The following CSMD3 variants were observed in gnomAD, a reference collection of about 807,000 sequenced individuals.
CSMD3 encodes the protein CUB and Sushi multiple domains 3, also known as CUB and sushi domain-containing protein 3.
CSMD3 carries 177 observed loss-of-function variants against 435.2 expected under a neutral mutation model. The ratio of observed to expected loss-of-function variants is 0.41; its 90% confidence interval spans 0.36 to 0.46. CSMD3 has a LOEUF of 0.46. Among genes scored for constraint, CSMD3 ranks in the 20% least tolerant of loss-of-function variants. CSMD3 has a pLI of 0.34. For synonymous variants in CSMD3, 1,656 were observed against 1,520.5 expected (o/e 1.09, Z -2.07); for missense variants, 4,265 against 4,504.6 (o/e 0.95, Z 1.52).
intron 4 of CSMD3, among the ~76,000 whole-genome samples, chr8:113,117,554 C>T (rs978847625): frequency 6.6e-6 from 1 of 152,192 alleles, no homozygotes; most frequent in Non-Finnish European, 1.5e-5. Context: ...TGTGGCACTG[C>T]CTAGTGGAGC....
At chr8:113,377,221 A>T in intron 1 of CSMD3, 1 of 947,300 alleles carries the variant, frequency 1.1e-6, no homozygotes, top group African/African-American at 1.7e-5. Flanking sequence ...CGAGAGACCG[A>T]AGGGCCAGCC....
At chr8:112,921,109 GATAAT>G (rs1431664534) in intron 10 of CSMD3, among the ~76,000 whole-genome samples, 3 of 149,906 alleles carry the variant, frequency 2.0e-5, no homozygotes, top group African/African-American at 4.9e-5. Context: ...CACACATGCA[GATAAT>G]ATAAGATATA....
At chr8:112,779,182 C>T (rs200849713) in intron 13 of CSMD3, among the ~76,000 whole-genome samples, 9 of 149,144 alleles carry the variant, frequency 6.0e-5, no homozygotes, top group Admixed American at 2.0e-4. Context: ...TGTGTGTTTG[C>T]GTGTGTGTGT....
Position 112,244,544 on chromosome 8 carries a change from C to A in CSMD3, c.10252G>T (p.Ala3418Ser), listed in dbSNP as rs1294829796. 1 of 1,613,780 alleles carries A rather than the reference C, an allele frequency of 6.2e-7. No homozygotes were observed. The highest frequency in any genetic ancestry group is 1.7e-5 in the Admixed American group (1 of 59,986). Residue 3418 changes from alanine to serine, a missense_variant, in exon 65 of 71, where the codon GCT becomes TCT. Physicochemically the swap from Ala to Ser is moderately conservative, Grantham distance 99 (BLOSUM62 1). Around this residue, in one of 3 missense-constraint regions of CSMD3, gnomAD observed 3,255 missense variants for 3,380.2 expected, o/e 0.96. Coordinates refer to ENST00000297405, the MANE Select transcript of CSMD3 (RefSeq NM_198123.2). ...TCCATCCCTACGACATTTGCATGAG[C>A]AGGAGTTTCTGGCTGTTTACAGCTG... Reference protein sequence around the residue: ...PHSCKQPETPAHANVVGMDLP... With the variant: ...PHSCKQPETPSHANVVGMDLP...
intron 28 of CSMD3, among the ~76,000 whole-genome samples, chr8:112,512,969 A>G (rs12386777): frequency 0.31 from 46,490 of 151,968 alleles, 7,274 homozygotes; most frequent in East Asian, 0.47. Context: ...GCAAGCTTCA[A>G]AGTTTTCTTC....
chr8:113,396,113 T>G (rs1028244083), intron 1 of CSMD3, among the ~76,000 whole-genome samples: 1 of 152,162 alleles, frequency 6.6e-6, no homozygotes, highest in African/African-American at 2.4e-5. Context: ...AAAAAAACTC[T>G]CTAAGGAATG....
At chr8:112,853,285 G>A (rs149108387) in intron 11 of CSMD3, among the ~76,000 whole-genome samples, 1,787 of 152,116 alleles carry the variant, frequency 0.012, 19 homozygotes, top group Non-Finnish European at 0.019. Context: ...GAGTGCAGTG[G>A]CATGATCTCG....
intron 6 of CSMD3, among the ~76,000 whole-genome samples, chr8:112,987,214 G>T (rs1192146527): frequency 6.6e-6 from 1 of 151,916 alleles, no homozygotes; most frequent in Non-Finnish European, 1.5e-5. Flanking sequence ...AGATAATTTT[G>T]CTGTATTCTA....
At chr8:112,226,445 C>G (rs1812564617) in intron 70 of CSMD3, among the ~76,000 whole-genome samples, 1 of 151,996 alleles carries the variant, frequency 6.6e-6, no homozygotes, top group African/African-American at 2.4e-5. Flanking sequence ...GAATCATAGC[C>G]CTAAACACAA....
At position 112,819,244 on chromosome 8, in the gene CSMD3, C is replaced by T. The variant is rs1221896478; in HGVS notation, c.1859+10442G>A. ...GCTGAAGTTGAGAGGAAATGAAAGG[C>T]TGTTTGCAGGGTGAGTGGACACTTT... On this transcript the variant is annotated intron_variant, in intron 12 of 70. Coordinates refer to ENST00000297405, the MANE Select transcript of CSMD3 (RefSeq NM_198123.2). Among the ~76,000 whole-genome samples the T allele has an allele frequency of 2.6e-5, 4 of 152,172 alleles. No homozygotes were observed. In the East Asian group the frequency reaches 5.8e-4, roughly 22 times the overall value.
intron 32 of CSMD3, among the ~76,000 whole-genome samples, chr8:112,441,739 G>GA (rs1261410647): frequency 6.6e-6 from 1 of 152,122 alleles, no homozygotes; most frequent in Non-Finnish European, 1.5e-5. Flanking sequence ...AGTGAAGGGG[G>GA]AAAAGGCCCT....
chr8:113,181,156 T>C (rs1445626905), intron 3 of CSMD3, among the ~76,000 whole-genome samples: 2 of 151,920 alleles, frequency 1.3e-5, no homozygotes, highest in African/African-American at 4.8e-5. Flanking sequence ...GAAAATAGAT[T>C]ATTGGATTGA....
chr8:112,506,490 G>C (rs545024941), intron 29 of CSMD3, among the ~76,000 whole-genome samples: 6 of 152,038 alleles, frequency 3.9e-5, no homozygotes, highest in Non-Finnish European at 7.4e-5. Context: ...GCGGGAAAAT[G>C]GAGGCTCACT....
intron 39 of CSMD3, among the ~76,000 whole-genome samples, chr8:112,351,856 A>C (rs1826164435): frequency 6.6e-6 from 1 of 152,122 alleles, no homozygotes; most frequent in African/African-American, 2.4e-5. Context: ...TTATTCTTTA[A>C]GGAAATTTTT....
At chr8:112,536,061 TA>T (rs1826046764) in intron 27 of CSMD3, among the ~76,000 whole-genome samples, 1 of 152,108 alleles carries the variant, frequency 6.6e-6, no homozygotes, top group Non-Finnish European at 1.5e-5. Flanking sequence ...CCTAAAACCA[TA>T]AAAACCCTAG....
chr8:112,779,053 C>G (rs903928155), intron 13 of CSMD3, among the ~76,000 whole-genome samples: 2 of 151,762 alleles, frequency 1.3e-5, no homozygotes, highest in Middle Eastern at 6.8e-3. Flanking sequence ...ATTTTAGGCA[C>G]TCATTTTGTA....
At chr8:113,345,963 T>C (rs1445315985) in intron 1 of CSMD3, among the ~76,000 whole-genome samples, 1 of 151,960 alleles carries the variant, frequency 6.6e-6, no homozygotes, top group Non-Finnish European at 1.5e-5. Context: ...CTCTCCCAAG[T>C]CTATCTCTAT....
intron 1 of CSMD3, among the ~76,000 whole-genome samples, chr8:113,418,739 G>T (rs770050862): frequency 2.2e-4 from 33 of 152,146 alleles, no homozygotes; most frequent in Non-Finnish European, 2.6e-4. Flanking sequence ...AGTTTCCTCT[G>T]CAGACTAACA....
At chr8:112,902,183 C>T (rs1447411635) in intron 10 of CSMD3, among the ~76,000 whole-genome samples, 1 of 151,060 alleles carries the variant, frequency 6.6e-6, no homozygotes, top group East Asian at 2.0e-4. Flanking sequence ...TCTAGGTGTC[C>T]CAAACTTGTC....
Sources: gnomAD v4.1 joint callset for allele counts (sites outside exome capture counted in the v4.1 genomes callset) on GRCh38, gnomAD v4.1.1 for gene constraint, gnomAD v4.1.1 regional missense constraint, MANE v1.5 for transcripts, NCBI Gene and HGNC (gene_info 2026-07-23, HGNC 2026-07-21) for gene names.